Variants in ATP8A2 observed in about 807,000 individuals in gnomAD.
ATP8A2 encodes the protein ATPase phospholipid transporting 8A2, also known as phospholipid-transporting ATPase IB.
In ATP8A2, 100 loss-of-function variants were observed where a neutral mutation model predicts 165.6. That is an observed-to-expected ratio of 0.60 (90% CI 0.51 to 0.71). The LOEUF is 0.71. Among genes scored for constraint, ATP8A2 ranks in the 30% least tolerant of loss-of-function variants. ATP8A2 has a pLI of 0.00. For synonymous variants in ATP8A2, 543 were observed against 548.8 expected (o/e 0.99, Z 0.15); for missense variants, 1,227 against 1,479.5 (o/e 0.83, Z 2.80).
chr13:25,940,547 T>C (rs1023748638), intron 33 of ATP8A2, among the ~76,000 whole-genome samples: 5 of 152,186 alleles, frequency 3.3e-5, no homozygotes, highest in African/African-American at 1.2e-4. Flanking sequence ...CCTCCCTCAC[T>C]GTCCTCCCAG....
intron 33 of ATP8A2, among the ~76,000 whole-genome samples, chr13:25,919,012 T>C (rs1183224190): frequency 6.6e-6 from 1 of 152,258 alleles, no homozygotes; most frequent in African/African-American, 2.4e-5. Flanking sequence ...AAAGTAGATA[T>C]GAGCAACTGT....
intron 23 of ATP8A2, 72 bp from the exon 24 acceptor site, chr13:25,589,563 C>A: frequency 8.6e-7 from 1 of 1,157,198 alleles, no homozygotes; most frequent in Non-Finnish European, 1.3e-6. Context: ...GCAGATATAA[C>A]CAAGGAGGTT....
At chr13:25,419,431 T>G (rs1363454731) in intron 1 of ATP8A2, among the ~76,000 whole-genome samples, 1 of 152,204 alleles carries the variant, frequency 6.6e-6, no homozygotes, top group Non-Finnish European at 1.5e-5. Flanking sequence ...TCATGTAAGT[T>G]TTCTGTGACC....
chr13:25,799,985 A>G (rs1950588178), intron 27 of ATP8A2, among the ~76,000 whole-genome samples: 2 of 152,252 alleles, frequency 1.3e-5, no homozygotes, highest in Admixed American at 6.5e-5. Context: ...ATATTCTACC[A>G]TAATCGTAAT....
chr13:25,634,011 C>T (rs1218996903), intron 24 of ATP8A2, among the ~76,000 whole-genome samples: 1 of 151,984 alleles, frequency 6.6e-6, no homozygotes, highest in African/African-American at 2.4e-5. Context: ...AATCCGACTG[C>T]TTCACAAACA....
chr13:25,529,884 T>C (rs2037974202), intron 2 of ATP8A2, 115 bp from the exon 3 acceptor site: 9 of 594,630 alleles, frequency 1.5e-5, no homozygotes, highest in Middle Eastern at 4.1e-4. Flanking sequence ...TTGTCTTGAG[T>C]TTTGAAACAT....
intron 24 of ATP8A2, among the ~76,000 whole-genome samples, chr13:25,674,608 T>C (rs932601201): frequency 1.3e-5 from 2 of 152,164 alleles, no homozygotes; most frequent in East Asian, 3.9e-4. Context: ...AAATTCCTCC[T>C]TTCTCTAAAG....
chr13:25,428,251 C>T (rs2034507628), intron 1 of ATP8A2, among the ~76,000 whole-genome samples: 2 of 152,044 alleles, frequency 1.3e-5, no homozygotes, highest in South Asian at 4.2e-4. Context: ...TTTATCTGGT[C>T]CTGTGACAAA....
At chr13:25,546,927 C>A (rs1181050829) in intron 10 of ATP8A2, among the ~76,000 whole-genome samples, 1 of 151,884 alleles carries the variant, frequency 6.6e-6, no homozygotes, top group African/African-American at 2.4e-5. Context: ...GTCAGGAGTT[C>A]GAGACCAGCC....
At chr13:25,863,122 C>T (rs2138769764) in intron 33 of ATP8A2, 1 of 152,466 alleles carries the variant, frequency 6.6e-6, no homozygotes, top group Admixed American at 6.5e-5. Flanking sequence ...TCTCCAAGCC[C>T]ACCCCAGAGA....
At chr13:25,399,982 A>AGTGC (rs879544906) in intron 1 of ATP8A2, among the ~76,000 whole-genome samples, 1 of 149,028 alleles carries the variant, frequency 6.7e-6, no homozygotes, top group South Asian at 2.2e-4. Flanking sequence ...TTTTTTGAGG[A>AGTGC]AGCCATCAGA....
intron 33 of ATP8A2, among the ~76,000 whole-genome samples, chr13:25,960,264 G>C (rs1445109902): frequency 6.6e-6 from 1 of 152,202 alleles, no homozygotes; most frequent in Non-Finnish European, 1.5e-5. Context: ...AGCTGGAGCA[G>C]AGGATGGAAA....
At chr13:25,456,048 G>T (rs2035356093) in intron 1 of ATP8A2, among the ~76,000 whole-genome samples, 1 of 152,156 alleles carries the variant, frequency 6.6e-6, no homozygotes, top group Non-Finnish European at 1.5e-5. Flanking sequence ...GGGGCACTCT[G>T]GGAAGTCCAG....
chr13:25,663,956 C>T (rs1274479103), intron 24 of ATP8A2, among the ~76,000 whole-genome samples: 1 of 152,138 alleles, frequency 6.6e-6, no homozygotes, highest in Non-Finnish European at 1.5e-5. Context: ...CGCCTGTAAT[C>T]CCAGCACTTT....
rs776786016 is a variant in ATP8A2, at chr13:25,553,850, A to G, written c.1115A>G (p.Asn372Ser). 10 of 1,613,134 alleles carry G rather than the reference A, an allele frequency of 6.2e-6. No homozygotes were observed. The highest frequency in any genetic ancestry group is 1.1e-5 in the South Asian group (1 of 91,044). ...CTGACGTTCATCATCTTATACAACA[A>G]TCTTATTCCCATCAGTCTGTTGGTG... is the stretch of plus-strand genomic sequence containing the variant. Reference protein sequence around the residue: ...NLLTFIILYNNLIPISLLVTL... With the variant: ...NLLTFIILYNSLIPISLLVTL... The change falls in exon 12 of 37, where the codon AAT becomes AGT. Residue 372 changes from asparagine (N) to serine (S), a missense_variant. Asn to Ser is a conservative substitution (Grantham distance 46). This residue lies in a region of ATP8A2 where 592 missense variants were observed against 785.6 expected (regional missense o/e 0.75). Transcript: ENST00000381655.
intron 25 of ATP8A2, among the ~76,000 whole-genome samples, chr13:25,768,040 C>A (rs1200073485): frequency 1.0e-5 from 1 of 98,984 alleles, no homozygotes; most frequent in Admixed American, 1.7e-4. Flanking sequence ...CCAGAAAAAT[C>A]TTTTACTTTG....
At chr13:25,500,528 G>T (rs978363830) in intron 2 of ATP8A2, among the ~76,000 whole-genome samples, 7 of 152,148 alleles carry the variant, frequency 4.6e-5, no homozygotes, top group Non-Finnish European at 8.8e-5. Flanking sequence ...AAAGTGAAAT[G>T]AAATTAAAGC....
At chr13:25,434,025 A>G (rs756701334) in intron 1 of ATP8A2, among the ~76,000 whole-genome samples, 1 of 152,212 alleles carries the variant, frequency 6.6e-6, no homozygotes, top group Non-Finnish European at 1.5e-5. Flanking sequence ...AATGTTTACT[A>G]TTTGGGTAAT....
intron 24 of ATP8A2, among the ~76,000 whole-genome samples, chr13:25,678,384 A>G (rs1343728235): frequency 6.6e-6 from 1 of 150,974 alleles, no homozygotes; most frequent in Admixed American, 6.6e-5. Flanking sequence ...GGCCGGGAGT[A>G]TTGCTGAGTT....
Sources: gnomAD v4.1 joint callset for allele counts (sites outside exome capture counted in the v4.1 genomes callset) on GRCh38, gnomAD v4.1.1 for gene constraint, gnomAD v4.1.1 regional missense constraint, MANE v1.5 for transcripts, NCBI Gene and HGNC (gene_info 2026-07-23, HGNC 2026-07-21) for gene names.